Variants in RAB11FIP4 observed in about 807,000 individuals in gnomAD.
The protein encoded by RAB11FIP4 is rab11 family-interacting protein 4.
RAB11FIP4 carries 23 observed loss-of-function variants against 74.3 expected under a neutral mutation model. The ratio of observed to expected loss-of-function variants is 0.31; its 90% confidence interval spans 0.22 to 0.44. RAB11FIP4 has a LOEUF of 0.44. RAB11FIP4 is among the 20% of genes least tolerant of loss of function. The probability of loss-of-function intolerance (pLI) is 1.00; values close to 1 mark genes in which losing one functional copy is unlikely to be tolerated. For missense variants in RAB11FIP4, 630 were observed against 863.9 expected, an observed-to-expected ratio of 0.73 and a Z score of 3.39; for synonymous variants, 360 against 359.9, an observed-to-expected ratio of 1.00 and a Z score of 0.00.
At chr17:31,458,401 C>A (rs887647057) in intron 3 of RAB11FIP4, among the ~76,000 whole-genome samples, 2 of 152,174 alleles carry the variant, frequency 1.3e-5, no homozygotes, top group Non-Finnish European at 2.9e-5. Context: ...CAGGGCATTG[C>A]GGGGAGGCAA....
At chr17:31,522,303 A>G (rs1202528966) in intron 6 of RAB11FIP4, 57 bp from the exon 7 acceptor site, 3 of 1,563,234 alleles carry the variant, frequency 1.9e-6, no homozygotes, top group Non-Finnish European at 2.6e-6. Context: ...GCTAGGACAG[A>G]GTAAGGGAGT....
At chr17:31,455,890 G>A (rs948025443) in intron 3 of RAB11FIP4, among the ~76,000 whole-genome samples, 2 of 152,144 alleles carry the variant, frequency 1.3e-5, no homozygotes, top group African/African-American at 4.8e-5. Context: ...CAGGGCTGAC[G>A]CTCCCAAGGC....
chr17:31,521,431 TG>T (rs370494101), intron 5 of RAB11FIP4, 71 bp downstream of exon 5: 316 of 1,395,752 alleles, frequency 2.3e-4, no homozygotes, highest in Admixed American at 6.3e-4. Context: ...TCCTAGGGGG[TG>T]GGGGGGTGCG....
chr17:31,435,015 G>GT (rs34971957), intron 3 of RAB11FIP4, among the ~76,000 whole-genome samples: 66,897 of 151,932 alleles, frequency 0.44, 14,878 homozygotes, highest in Non-Finnish European at 0.47. Context: ...ATGAGACCCC[G>GT]TCTCTACATA....
intron 3 of RAB11FIP4, among the ~76,000 whole-genome samples, chr17:31,500,561 T>C (rs989825625): frequency 3.3e-5 from 5 of 152,356 alleles, no homozygotes; most frequent in East Asian, 1.9e-4. Flanking sequence ...TTTATTCTCT[T>C]GTAAAGCAAT....
At chr17:31,513,539 G>A (rs2072491469) in intron 3 of RAB11FIP4, among the ~76,000 whole-genome samples, 1 of 152,186 alleles carries the variant, frequency 6.6e-6, no homozygotes, top group South Asian at 2.1e-4. Flanking sequence ...TGGCCCTCAG[G>A]GAGGAGCAAG....
In RAB11FIP4 at chr17:31,533,286, T is replaced by G. The variant is rs1313979072; in HGVS notation, c.*1554T>G. The G allele has an allele frequency of 6.6e-6, 1 of 152,262 alleles. No homozygotes were observed. Among genetic ancestry groups the G allele is most frequent in the Non-Finnish European group, 1.5e-5 (1 of 68,122 alleles). The allele number at this position is 152,262 out of a possible 1,614,324, so 9.4% of individuals were successfully genotyped here. Reference sequence around the variant, plus strand: ...TTTGCATTTGTTGGATCTCGTGGCTTCTTTTTAATCTTTTGTTGGGGATTA... The same window carrying G: ...TTTGCATTTGTTGGATCTCGTGGCTGCTTTTTAATCTTTTGTTGGGGATTA... On this transcript the variant is annotated 3_prime_UTR_variant, in exon 15 of 15. Coordinates refer to ENST00000621161, the MANE Select transcript of RAB11FIP4 (RefSeq NM_032932.6).
At chr17:31,511,508 C>T (rs556568194) in intron 3 of RAB11FIP4, among the ~76,000 whole-genome samples, 29 of 152,332 alleles carry the variant, frequency 1.9e-4, no homozygotes, top group Middle Eastern at 6.8e-3. Context: ...CCACCACCTG[C>T]CATGTGCTCT....
chr17:31,481,159 G>GT (rs2071845361), intron 3 of RAB11FIP4, among the ~76,000 whole-genome samples: 1 of 152,184 alleles, frequency 6.6e-6, no homozygotes, highest in South Asian at 2.1e-4. Context: ...CTGTGATCAT[G>GT]TCAGCACCCA....
In RAB11FIP4 at chr17:31,394,940, G is replaced by GA. The variant is rs1489475796; in HGVS notation, c.159+2929_159+2930insA. Among the ~76,000 whole-genome samples the GA allele has an allele frequency of 9.4e-3, 311 of 33,068 alleles. 4 individuals are homozygous for GA. Among genetic ancestry groups the GA allele is most frequent in the African/African-American group, 0.02 (298 of 15,000 alleles). The allele number at this position is 33,068 out of a possible 152,430, so 21.7% of individuals were successfully genotyped here. ...TCCAGCGGTGGGGTGGCGGGGGGCG[G>GA]GGGGGGGGGGCTCCCTTACGAAATG... On this transcript the variant is annotated intron_variant, in intron 1 of 14. Coordinates refer to ENST00000621161, the MANE Select transcript of RAB11FIP4 (RefSeq NM_032932.6).
intron 3 of RAB11FIP4, among the ~76,000 whole-genome samples, chr17:31,505,389 GTAATAA>G (rs1231443702): frequency 1.0e-3 from 119 of 117,334 alleles, no homozygotes; most frequent in Admixed American, 1.7e-3. Flanking sequence ...TATTCCATCA[GTAATAA>G]TAATAATATA....
chr17:31,458,492 C>G (rs2071601989), intron 3 of RAB11FIP4, among the ~76,000 whole-genome samples: 1 of 152,154 alleles, frequency 6.6e-6, no homozygotes, highest in Admixed American at 6.5e-5. Context: ...AAAATGGAAG[C>G]CCTTTGGTTG....
chr17:31,482,518 G>C (rs977489266), intron 3 of RAB11FIP4, among the ~76,000 whole-genome samples: 1 of 151,820 alleles, frequency 6.6e-6, no homozygotes, highest in Non-Finnish European at 1.5e-5. Context: ...CTGAACCCAG[G>C]AGACAGAGGT....
chr17:31,399,251 G>A (rs1049244551), intron 1 of RAB11FIP4, among the ~76,000 whole-genome samples: 2 of 152,220 alleles, frequency 1.3e-5, no homozygotes, highest in African/African-American at 4.8e-5. Flanking sequence ...CAACCTGGGC[G>A]GGATGGAGGG....
At chr17:31,435,515 A>G (rs546693317) in intron 3 of RAB11FIP4, among the ~76,000 whole-genome samples, 3 of 152,332 alleles carry the variant, frequency 2.0e-5, no homozygotes, top group South Asian at 4.1e-4. Flanking sequence ...AACACCCAGA[A>G]CTAGAAGAGG....
chr17:31,467,642 T>G (rs2071698469), intron 3 of RAB11FIP4, among the ~76,000 whole-genome samples: 1 of 152,070 alleles, frequency 6.6e-6, no homozygotes, highest in Non-Finnish European at 1.5e-5. Context: ...GAGAGAGTAG[T>G]CCCAGCTACT....
intron 8 of RAB11FIP4, 131 bp from the exon 9 acceptor site, chr17:31,523,762 C>G (rs950930399): frequency 2.0e-6 from 2 of 990,358 alleles, no homozygotes; most frequent in Non-Finnish European, 1.6e-6. Flanking sequence ...TCCCCACTCC[C>G]CCACCCCACA....
chr17:31,504,746 G>A (rs935844304), intron 3 of RAB11FIP4, among the ~76,000 whole-genome samples: 1 of 151,988 alleles, frequency 6.6e-6, no homozygotes, highest in South Asian at 2.1e-4. Context: ...CATCCTCCTT[G>A]TTTATCCTCA....
intron 3 of RAB11FIP4, among the ~76,000 whole-genome samples, chr17:31,441,642 C>T (rs1283686021): frequency 6.6e-6 from 1 of 152,030 alleles, no homozygotes; most frequent in Non-Finnish European, 1.5e-5. Context: ...ATTCTCCTGC[C>T]TCAGCCTCTC....
Sources: gnomAD v4.1 joint callset for allele counts (sites outside exome capture counted in the v4.1 genomes callset) on GRCh38, gnomAD v4.1.1 for gene constraint, MANE v1.5 for transcripts, NCBI Gene and HGNC (gene_info 2026-07-23, HGNC 2026-07-21) for gene names.